Variants in RAB31 observed in about 807,000 individuals in gnomAD.
RAB31 encodes the protein RAB31, member RAS oncogene family, also known as ras-related protein Rab-31.
In RAB31, 21 loss-of-function variants were observed where a neutral mutation model predicts 25.6. The ratio of observed to expected loss-of-function variants is 0.82; its 90% CI spans 0.58 to 1.18. RAB31 has a LOEUF of 1.18. Among genes scored for constraint, RAB31 ranks in the 50% most tolerant of loss-of-function variants. RAB31 has a pLI of 0.00. For synonymous variants in RAB31, 87 were observed against 84.0 expected, an observed-to-expected ratio of 1.04 and a Z score of -0.20; for missense variants, 196 against 250.1, an observed-to-expected ratio of 0.78 and a Z score of 1.46.
chr18:9,848,323 G>GCTGTCCATCTGTCTATCCAT (rs1440364112), intron 6 of RAB31, among the ~76,000 whole-genome samples: 112 of 151,426 alleles, frequency 7.4e-4, no homozygotes, highest in Middle Eastern at 3.4e-3. Flanking sequence ...CATCTTTCTA[G>GCTGTCCATCTGTCTATCCAT]CTGTCCATCT....
chr18:9,720,893 T>C (rs1256462628), intron 1 of RAB31, among the ~76,000 whole-genome samples: 2 of 152,122 alleles, frequency 1.3e-5, no homozygotes, highest in Non-Finnish European at 2.9e-5. Flanking sequence ...TTTGAGTTTA[T>C]AGCTTCGGTG....
intron 2 of RAB31, chr18:9,787,731 T>G (rs538924999): frequency 2.0e-5 from 3 of 153,018 alleles, no homozygotes; most frequent in Admixed American, 6.5e-5. Flanking sequence ...AAGCATTAAT[T>G]GACATCAGAG....
chr18:9,808,896 T>C (rs1054441673), intron 3 of RAB31, among the ~76,000 whole-genome samples: 1 of 152,244 alleles, frequency 6.6e-6, no homozygotes, highest in African/African-American at 2.4e-5. Context: ...CCACCACTGC[T>C]CATTCCCAAC....
At chr18:9,721,966 G>C (rs1028541660) in intron 1 of RAB31, among the ~76,000 whole-genome samples, 9 of 152,148 alleles carry the variant, frequency 5.9e-5, no homozygotes, top group African/African-American at 1.9e-4. Context: ...ACAGTACTCA[G>C]GGCAGCCATG....
chr18:9,720,977 C>T (rs991420886), intron 1 of RAB31, among the ~76,000 whole-genome samples: 9 of 152,010 alleles, frequency 5.9e-5, no homozygotes, highest in South Asian at 2.1e-4. Context: ...CTGTGCAGGT[C>T]GTTCTCTGGG....
At chr18:9,841,364 C>T (rs901085741) in intron 5 of RAB31, among the ~76,000 whole-genome samples, 2 of 151,410 alleles carry the variant, frequency 1.3e-5, no homozygotes, top group African/African-American at 4.8e-5. Flanking sequence ...ATGGTGAAAC[C>T]CCGTCTCTAC....
intron 5 of RAB31, among the ~76,000 whole-genome samples, chr18:9,840,819 C>T (rs1279341031): frequency 4.6e-5 from 7 of 152,216 alleles, no homozygotes; most frequent in Admixed American, 6.5e-5. Flanking sequence ...TATGACCTCT[C>T]CTCAAATTCA....
At chr18:9,719,347 T>A (rs75890376) in intron 1 of RAB31, among the ~76,000 whole-genome samples, 1 of 114,282 alleles carries the variant, frequency 8.8e-6, no homozygotes, top group African/African-American at 3.5e-5. Flanking sequence ...AAATTTGATC[T>A]AATTATGAGG....
At chr18:9,773,631 A>C (rs1182176036) in intron 1 of RAB31, among the ~76,000 whole-genome samples, 1 of 152,126 alleles carries the variant, frequency 6.6e-6, no homozygotes, top group African/African-American at 2.4e-5. Flanking sequence ...TAACTCCTCC[A>C]TGAAATTTTA....
intron 1 of RAB31, among the ~76,000 whole-genome samples, chr18:9,751,422 T>A (rs2068234437): frequency 6.6e-6 from 1 of 152,232 alleles, no homozygotes; most frequent in Non-Finnish European, 1.5e-5. Context: ...TGAGTGCATG[T>A]GCAACAGTGC....
chr18:9,708,457 CG>C lies in RAB31; in HGVS notation c.39+14del. 1 of 1,556,674 alleles carries C rather than the reference CG, an allele frequency of 6.4e-7. No individual in the cohort carries two copies. The highest frequency in any genetic ancestry group is 8.7e-7 in the Non-Finnish European group (1 of 1,153,682). ...GTGCCTTCTCGGGGTGAGTCCTGGC[CG>C]CCACCCGCCGGCGGACCCCGGCCCG... On this transcript the variant is annotated intron_variant, in intron 1 of 6. Coordinates refer to ENST00000578921, the MANE Select transcript of RAB31 (RefSeq NM_006868.4). This position sits in a 1 kb window ranked among gnomAD's most constrained non-coding sequence, Gnocchi z 6.4.
chr18:9,730,288 CTTTTT>C (rs34004989), intron 1 of RAB31, among the ~76,000 whole-genome samples: 1 of 140,940 alleles, frequency 7.1e-6, no homozygotes, highest in Non-Finnish European at 1.5e-5. Flanking sequence ...CTCACCTTAT[CTTTTT>C]TTTTTTTTTT....
intron 1 of RAB31, chr18:9,735,329 T>A (rs1898189382): frequency 5.0e-6 from 1 of 201,974 alleles, no homozygotes; most frequent in Admixed American, 4.7e-5. Context: ...TCAGTCTTGT[T>A]TTTAGCAGCA....
At chr18:9,747,984 C>T (rs111949783) in intron 1 of RAB31, among the ~76,000 whole-genome samples, 3,576 of 152,274 alleles carry the variant, frequency 0.023, 57 homozygotes, top group Non-Finnish European at 0.037. Flanking sequence ...ATAACACCTA[C>T]GGTCAACGGC....
chr18:9,751,659 G>A (rs922688318), intron 1 of RAB31, among the ~76,000 whole-genome samples: 3 of 152,216 alleles, frequency 2.0e-5, no homozygotes, highest in African/African-American at 7.2e-5. Context: ...AGCAGCACAT[G>A]ATTAAGTCAT....
intron 1 of RAB31, among the ~76,000 whole-genome samples, chr18:9,720,900 G>A (rs1484451692): frequency 6.6e-6 from 1 of 151,998 alleles, no homozygotes; most frequent in Non-Finnish European, 1.5e-5. Context: ...TTATAGCTTC[G>A]GTGAAATGAC....
chr18:9,852,602 T>G (rs2068794655), intron 6 of RAB31, among the ~76,000 whole-genome samples: 1 of 152,168 alleles, frequency 6.6e-6, no homozygotes, highest in Non-Finnish European at 1.5e-5. Flanking sequence ...CTTTTTTTTT[T>G]TTCCTGAATA....
At chr18:9,814,126 T>C in intron 4 of RAB31, 35 bp downstream of exon 4, 3 of 1,460,256 alleles carry the variant, frequency 2.1e-6, no homozygotes, top group Non-Finnish European at 2.8e-6. Context: ...AGATGTCATT[T>C]ATGGTGGTTC....
At chr18:9,786,439 G>A (rs1165925740) in intron 2 of RAB31, among the ~76,000 whole-genome samples, 1 of 152,256 alleles carries the variant, frequency 6.6e-6, no homozygotes, top group Non-Finnish European at 1.5e-5. Context: ...AACTCAAAGA[G>A]GGGTTGGTGG....
Sources: allele counts gnomAD v4.1 joint callset (sites outside exome capture counted in the v4.1 genomes callset), GRCh38; gene constraint gnomAD v4.1.1; non-coding constraint Gnocchi (gnomAD v3.1); transcripts MANE v1.5; gene names NCBI Gene and HGNC (gene_info 2026-07-23, HGNC 2026-07-21).